Variants in STX4 observed in about 807,000 individuals in gnomAD.
STX4 encodes the protein syntaxin 4, also known as syntaxin-4.
STX4 carries 24 observed loss-of-function variants against 41.8 expected under a neutral mutation model. The ratio of observed to expected loss-of-function variants is 0.57; its 90% CI spans 0.42 to 0.81. The LOEUF is 0.81. STX4 is among the 30% of genes least tolerant of loss of function. The pLI is 0.00. For missense variants in STX4, 316 were observed against 389.9 expected (o/e 0.81, Z 1.60); for synonymous variants, 158 against 156.4 (o/e 1.01, Z -0.08).
At chr16:31,034,651 C>A in intron 4 of STX4, 115 bp downstream of exon 4, 1 of 1,223,534 alleles carries the variant, frequency 8.2e-7, no homozygotes. Flanking sequence ...ACACAGCAGG[C>A]CTGGGTCTAG....
In STX4 at chr16:31,039,887, C is replaced by A; in HGVS notation, c.*16-25C>A. 1 of 1,470,530 alleles carries A rather than the reference C, an allele frequency of 6.8e-7. No homozygotes were observed. Among genetic ancestry groups the A allele is most frequent in the Non-Finnish European group, 9.5e-7 (1 of 1,054,770 alleles). The allele number at this position is 1,470,530 out of a possible 1,614,324, so 91.1% of individuals were successfully genotyped here. The stretch of plus-strand genomic sequence containing the variant: ...CCCAGCCCTCCCTCCTCCCTCAGAC[C>A]CTGTTCTCCCTCCTTTCCTTACAGG... On this transcript the variant is annotated intron_variant, in intron 10 of 10. Transcript: ENST00000313843. This position sits in a 1 kb window ranked among gnomAD's most constrained non-coding sequence, Gnocchi z 4.1.
rs371592094 is a variant in STX4 at position 31,034,340 on chromosome 16, G to T, written c.232+15G>T. ...TCCCGAGGAGAGTGAGTGAAACCCC[G>T]GCTGCAGGGCGCATGCTCCGCCCCA... On this transcript the variant is annotated intron_variant, in intron 3 of 10. Transcript: ENST00000313843. 10 of 1,613,774 alleles carry T rather than the reference G, an allele frequency of 6.2e-6. No homozygotes were observed. The highest frequency in any genetic ancestry group is 8.5e-6 in the Non-Finnish European group (10 of 1,179,892).
intron 5 of STX4, among the ~76,000 whole-genome samples, chr16:31,037,505 C>A (rs895731591): frequency 2.0e-5 from 3 of 149,960 alleles, no homozygotes; most frequent in Non-Finnish European, 4.5e-5. Context: ...ACTAAAAATA[C>A]AAAAATTAGC....
chr16:31,035,170 C>T, intron 5 of STX4, 130 bp downstream of exon 5: 1 of 669,602 alleles, frequency 1.5e-6, no homozygotes, highest in East Asian at 3.2e-5. Flanking sequence ...AATGGGGAAA[C>T]TGAGCTCAGA....
rs755593625 is a variant in STX4 at position 31,038,524 on chromosome 16, G to T, written c.579G>T (p.Thr193=). The T allele has an allele frequency of 1.1e-5, 17 of 1,613,982 alleles. No homozygotes were observed. The Admixed American group carries it at 2.2e-4, about 21-fold the overall frequency. ...EVFVSNILKD[T]QVTRQALNEI... ...CCACCCCCCAGATCCTGAAGGACACGCAGGTGACTCGACAGGCCTTAAATG... is the reference window on the plus strand; with the variant it reads ...CCACCCCCCAGATCCTGAAGGACACTCAGGTGACTCGACAGGCCTTAAATG... The change falls in exon 8 of 11, where the codon ACG becomes ACT. Residue 193 remains threonine, a synonymous_variant. Transcript: ENST00000313843.
chr16:31,033,523 G>A, upstream of STX4: 1 of 1,550,414 alleles, frequency 6.4e-7, no homozygotes, highest in Non-Finnish European at 8.7e-7. This position sits in a 1 kb window ranked among gnomAD's most constrained non-coding sequence, Gnocchi z 5.5. Context: ...ACGCGACCAT[G>A]TGCGCATGCC....
intron 5 of STX4, 124 bp downstream of exon 5, chr16:31,035,164 G>C: frequency 1.4e-6 from 1 of 691,440 alleles, no homozygotes; most frequent in Non-Finnish European, 2.3e-6. Context: ...TTTCCAAATG[G>C]GGAAACTGAG....
In STX4 at chr16:31,035,031, A is replaced by G. The variant is rs751049136; in HGVS notation, c.369A>G (p.Arg123=). ...ATAACTCCGTCAACACAAGAATGAG[A>G]AAAACCCAGGTGGGTTTTTTTTCTC... The part of the protein sequence containing the change: ...ENYNSVNTRM[R]KTQHGVLSQQ... Residue 123 remains arginine (R), a synonymous_variant, in exon 5 of 11, where the codon AGA becomes AGG. Transcript: ENST00000313843. 8.7e-6 allele frequency: 14 copies of G among 1,608,536 alleles called. No individual in the cohort carries two copies. In the East Asian group the frequency reaches 2.5e-4, roughly 28 times the overall value.
At chr16:31,037,710 T>TAAATAAAA (rs1567390037) in intron 5 of STX4, among the ~76,000 whole-genome samples, 3 of 150,792 alleles carry the variant, frequency 2.0e-5, no homozygotes, top group East Asian at 2.0e-4. Context: ...AATAAATAAA[T>TAAATAAAA]AAAAAAGATC....
chr16:31,034,895 A>G lies in STX4; in HGVS notation c.308-75A>G, dbSNP rs1425153099. 2.0e-5 allele frequency: 27 copies of G among 1,322,496 alleles called. No homozygotes were observed. The South Asian group carries it at 2.4e-4, about 12-fold the overall frequency. The allele number at this position is 1,322,496 out of a possible 1,614,324, so 81.9% of individuals were successfully genotyped here. On this transcript the variant is annotated intron_variant, in intron 4 of 10. Coordinates refer to ENST00000313843, the MANE Select transcript of STX4 (RefSeq NM_004604.5). Reference sequence around the variant, plus strand: ...TCCTCTTAGAGGCTCAGCCTTAGTCATTTTATGATAAATTATATTTCCCTA... The same window carrying G: ...TCCTCTTAGAGGCTCAGCCTTAGTCGTTTTATGATAAATTATATTTCCCTA...
In STX4 at chr16:31,039,966, G is replaced by C; in HGVS notation, c.*70G>C. ...GGCCTTCTCTCCCAGCAGCCTGGGG[G>C]GCAGGGCAGAGCCTCCAGTCGGACC... On this transcript the variant is annotated 3_prime_UTR_variant, in exon 11 of 11. Transcript: ENST00000313843. The surrounding 1 kb of genome is among the most constrained non-coding windows in gnomAD (Gnocchi z 4.1). The C allele has an allele frequency of 1.3e-6, 1 of 777,850 alleles. No homozygotes were observed. The highest frequency in any genetic ancestry group is 2.1e-6 in the Non-Finnish European group (1 of 474,330). 48.2% of individuals were successfully genotyped at this position (777,850 alleles called of 1,614,324 possible).
chr16:31,036,359 G>A (rs575937037), intron 5 of STX4, among the ~76,000 whole-genome samples: 60 of 152,282 alleles, frequency 3.9e-4, no homozygotes, highest in African/African-American at 1.4e-3. Context: ...AGTGTTTCTG[G>A]GGAAGCCTGT....
chr16:31,039,393 C>T lies in STX4; in HGVS notation c.703-148C>T. 1 of 711,700 alleles carries T rather than the reference C, an allele frequency of 1.4e-6. No individual in the cohort carries two copies. Among genetic ancestry groups the T allele is most frequent in the South Asian group, 1.8e-5 (1 of 55,102 alleles). The allele number at this position is 711,700 out of a possible 1,614,324, so 44.1% of individuals were successfully genotyped here. On this transcript the variant is annotated intron_variant, in intron 8 of 10. Transcript: ENST00000313843. This position sits in a 1 kb window ranked among gnomAD's most constrained non-coding sequence, Gnocchi z 4.1. ...ATAGAAGGGGCCTGGAAGCCATCCC[C>T]AAGGAGTCTGAACTTTTGTCAGATC...
intron 4 of STX4, 187 bp from the exon 5 acceptor site, chr16:31,034,783 G>A: frequency 1.5e-6 from 1 of 687,468 alleles, no homozygotes; most frequent in South Asian, 2.4e-5. Flanking sequence ...GGCATTCTTT[G>A]GGCAGGGAGA....
At chr16:31,036,969 G>C (rs905332360) in intron 5 of STX4, among the ~76,000 whole-genome samples, 5 of 151,314 alleles carry the variant, frequency 3.3e-5, no homozygotes, top group African/African-American at 1.2e-4. Context: ...CGTGGCTCAC[G>C]CCTGTAATCC....
At chr16:31,038,683 G>A (rs1433042053) in intron 8 of STX4, 36 bp downstream of exon 8, 2 of 1,606,136 alleles carry the variant, frequency 1.2e-6, no homozygotes, top group Admixed American at 3.4e-5. Context: ...GTGAGACCAG[G>A]CTCAGTCCAA....
chr16:31,037,643 A>G (rs1000369536), intron 5 of STX4, among the ~76,000 whole-genome samples: 1 of 151,230 alleles, frequency 6.6e-6, no homozygotes, highest in Non-Finnish European at 1.5e-5. Flanking sequence ...CTGGGCAACA[A>G]GAGTGAAACT....
intron 4 of STX4, 156 bp downstream of exon 4, chr16:31,034,692 C>T: frequency 1.2e-6 from 1 of 843,010 alleles, no homozygotes; most frequent in Non-Finnish European, 1.8e-6. Context: ...GGCCATTGTA[C>T]TCTCCACAGC....
Position 31,037,819 on chromosome 16 carries a change from C to T in STX4, c.379-107C>T, listed in dbSNP as rs2056813615. On this transcript the variant is annotated intron_variant, in intron 5 of 10. Transcript: ENST00000313843. The stretch of plus-strand genomic sequence containing the variant: ...TCACAAGGTGGTTAAGGTGGCAGAT[C>T]CCGCATAAGAGCTCATGCTATTTGC... The T allele has an allele frequency of 1.8e-6, 2 of 1,087,194 alleles. 1 individual carries two copies. Among genetic ancestry groups the T allele is most frequent in the Admixed American group, 4.1e-5 (2 of 48,534 alleles). The allele number at this position is 1,087,194 out of a possible 1,614,324, so 67.3% of individuals were successfully genotyped here. A position where few individuals can be genotyped will look rare whatever the true frequency, so the allele number is the denominator to read the frequency against.
Sources: gnomAD v4.1 joint callset for allele counts (sites outside exome capture counted in the v4.1 genomes callset) on GRCh38, gnomAD v4.1.1 for gene constraint, Gnocchi (gnomAD v3.1) non-coding constraint, MANE v1.5 for transcripts, NCBI Gene and HGNC (gene_info 2026-07-23, HGNC 2026-07-21) for gene names.